The following KDM1B variants were observed in gnomAD, a reference collection of about 807,000 sequenced individuals.
KDM1B encodes lysine demethylase 1B, also known as lysine-specific histone demethylase 2.
A neutral mutation model predicts 107.4 loss-of-function variants in KDM1B; 63 were observed. The ratio of observed to expected loss-of-function variants is 0.59; its 90% confidence interval spans 0.48 to 0.72. The LOEUF is 0.72. Ranked by LOEUF, KDM1B falls within the 30% of genes least tolerant of loss-of-function variation. The probability of loss-of-function intolerance (pLI) is 0.00; values close to 1 mark genes in which losing one functional copy is unlikely to be tolerated. For missense variants in KDM1B, 749 were observed against 1,020.8 expected, an observed-to-expected ratio of 0.73 and a Z score of 3.63; for synonymous variants, 363 against 363.9, an observed-to-expected ratio of 1.00 and a Z score of 0.03.
chr6:18,210,342 CTTT>C (rs533016543), intron 17 of KDM1B, among the ~76,000 whole-genome samples: 342 of 69,790 alleles, frequency 4.9e-3, no homozygotes, highest in Non-Finnish European at 8.5e-3. Context: ...TCTTTCTTTT[CTTT>C]TTTTTTTTTT....
In KDM1B at chr6:18,175,771, T is replaced by A. The variant is rs543980131; in HGVS notation, c.534+4292T>A. ...TTTGTTTGCTTTGTTGAAGATCAGTTGGCTCTAAGTATTTGGGTTTATTTC... is the reference window on the plus strand; with the variant it reads ...TTTGTTTGCTTTGTTGAAGATCAGTAGGCTCTAAGTATTTGGGTTTATTTC... On this transcript the variant is annotated intron_variant, in intron 7 of 21. Transcript: ENST00000650836. Among the ~76,000 whole-genome samples, 99 of 152,340 alleles carry A rather than the reference T, an allele frequency of 6.5e-4. 1 individual carries two copies. The highest frequency in any genetic ancestry group is 2.2e-3 in the African/African-American group (91 of 41,576).
In KDM1B at chr6:18,186,999, C is replaced by T. The variant is rs1786906423; in HGVS notation, c.574-793C>T. Among the ~76,000 whole-genome samples the T allele has an allele frequency of 6.8e-6, 1 of 146,882 alleles. No individual in the cohort carries two copies. Among genetic ancestry groups the T allele is most frequent in the African/African-American group, 2.6e-5 (1 of 38,306 alleles). ...ACACACACACACACACACACACACA[C>T]ATTTTTTTTCCAGGCTCCAGAATAG... On this transcript the variant is annotated intron_variant, in intron 8 of 21. Coordinates refer to ENST00000650836, the MANE Select transcript of KDM1B (RefSeq NM_001364614.2). The surrounding 1 kb of genome is among the most constrained non-coding windows in gnomAD (Gnocchi z 5.6).
At chr6:18,171,971 T>G (rs1262026765) in intron 7 of KDM1B, among the ~76,000 whole-genome samples, 10 of 152,214 alleles carry the variant, frequency 6.6e-5, no homozygotes, top group Admixed American at 1.3e-4. Flanking sequence ...ATCATGCAGC[T>G]ACTCTGGTTT....
At chr6:18,218,247 A>C (rs1230281661) in intron 21 of KDM1B, among the ~76,000 whole-genome samples, 1 of 151,854 alleles carries the variant, frequency 6.6e-6, no homozygotes, top group Non-Finnish European at 1.5e-5. Context: ...CAGCTTCCCA[A>C]GTAGCTGGGA....
At position 18,188,689 on chromosome 6, in the gene KDM1B, C is replaced by G. The variant is rs182645780; in HGVS notation, c.784+687C>G. On this transcript the variant is annotated intron_variant, in intron 9 of 21. Coordinates refer to ENST00000650836, the MANE Select transcript of KDM1B (RefSeq NM_001364614.2). ...AGTGCAGTGACACTATCTCAGCTCA[C>G]TGCATCCTCCAGCTCCTGGGTTCAA... Among the ~76,000 whole-genome samples, 57 of 152,290 alleles carry G rather than the reference C, an allele frequency of 3.7e-4. 1 individual carries two copies. The highest frequency in any genetic ancestry group is 3.7e-3 in the Admixed American group (56 of 15,292).
chr6:18,157,973 C>T (rs748539260), intron 2 of KDM1B, among the ~76,000 whole-genome samples: 35 of 151,804 alleles, frequency 2.3e-4, no homozygotes, highest in Non-Finnish European at 4.3e-4. Context: ...CCACCACCCC[C>T]GGCTAATTTT....
At position 18,212,415 on chromosome 6, in the gene KDM1B, T is replaced by C. The variant is rs937719790; in HGVS notation, c.1867-73T>C. 25 of 895,006 alleles carry C rather than the reference T, an allele frequency of 2.8e-5. No homozygotes were observed. Among genetic ancestry groups the C allele is most frequent in the East Asian group, 2.6e-4 (11 of 41,652 alleles). The allele number at this position is 895,006 out of a possible 1,614,324, so 55.4% of individuals were successfully genotyped here. ...TTCTTGCCAGTATAACAGCATGGGT[T>C]GTTGATACCAGTGTAGTGGTAGTGT... On this transcript the variant is annotated intron_variant, in intron 17 of 21. Coordinates refer to ENST00000650836, the MANE Select transcript of KDM1B (RefSeq NM_001364614.2). The surrounding 1 kb of genome is among the most constrained non-coding windows in gnomAD (Gnocchi z 5.2).
At chr6:18,165,866 C>T (rs1463548279) in intron 5 of KDM1B, among the ~76,000 whole-genome samples, 1 of 152,006 alleles carries the variant, frequency 6.6e-6, no homozygotes, top group East Asian at 1.9e-4. Context: ...ATATTCGGAA[C>T]TGGTTCCAGC....
intron 20 of KDM1B, among the ~76,000 whole-genome samples, chr6:18,215,579 G>A (rs938441540): frequency 3.9e-5 from 6 of 152,116 alleles, no homozygotes; most frequent in Non-Finnish European, 7.3e-5. Context: ...TTACCCATTG[G>A]AGACCATGCG....
Position 18,217,802 on chromosome 6 carries a change from A to G in KDM1B, c.2302A>G (p.Ser768Gly), listed in dbSNP as rs1219762444. Reference protein sequence around the residue: ...STDPWIQMAYSFVKTGGSGEA... With the variant: ...STDPWIQMAYGFVKTGGSGEA... ...AGACCCATGGATCCAGATGGCATAC[A>G]GTTTTGTGAAGACAGGTGGAAGTGG... The change falls in exon 21 of 22, where the codon AGT becomes GGT. Residue 768 changes from serine to glycine, a missense_variant. By Grantham distance (56) the Ser-to-Gly change is moderately conservative (BLOSUM62 0). Transcript: ENST00000650836. 1 of 1,614,004 alleles carries G rather than the reference A, an allele frequency of 6.2e-7. No homozygotes were observed. The highest frequency in any genetic ancestry group is 8.5e-7 in the Non-Finnish European group (1 of 1,179,926).
At chr6:18,185,321 A>C (rs575183438) in intron 7 of KDM1B, among the ~76,000 whole-genome samples, 1 of 137,532 alleles carries the variant, frequency 7.3e-6, no homozygotes, top group South Asian at 2.2e-4. Flanking sequence ...TTTTTTTTTG[A>C]GATGGAGTCT....
intron 5 of KDM1B, among the ~76,000 whole-genome samples, chr6:18,163,330 G>A (rs1463892268): frequency 1.3e-5 from 2 of 152,160 alleles, no homozygotes; most frequent in Admixed American, 6.5e-5. Context: ...AAAGTGCTGG[G>A]ATTACAGGCG....
At chr6:18,190,607 G>GA (rs201995039) in intron 9 of KDM1B, among the ~76,000 whole-genome samples, 2,061 of 144,774 alleles carry the variant, frequency 0.014, 47 homozygotes, top group African/African-American at 0.05. Context: ...ATCTTAAAAA[G>GA]AAAAAAAAGA....
chr6:18,220,246 GTT>G (rs1789577164), intron 21 of KDM1B, among the ~76,000 whole-genome samples: 1 of 152,126 alleles, frequency 6.6e-6, no homozygotes, highest in African/African-American at 2.4e-5. Context: ...TATAGTTACC[GTT>G]TTTGTTTACA....
In KDM1B at chr6:18,197,025, A is replaced by G. The variant is rs9968877; in HGVS notation, c.970-32A>G. On this transcript the variant is annotated intron_variant, in intron 10 of 21. Transcript: ENST00000650836. The surrounding 1 kb of genome is among the most constrained non-coding windows in gnomAD (Gnocchi z 4.5). The stretch of plus-strand genomic sequence containing the variant: ...GTTTGAATTTCTTGGGACTTTTTTA[A>G]AAAAGCAGTTTGGTTTTATTTCCAA... The G allele has an allele frequency of 1.9e-4, 301 of 1,564,030 alleles. No individual in the cohort carries two copies. The African/African-American group carries it at 3.2e-3, about 17-fold the overall frequency.
At chr6:18,216,361 G>A (rs1031808901) in intron 20 of KDM1B, among the ~76,000 whole-genome samples, 4 of 152,224 alleles carry the variant, frequency 2.6e-5, no homozygotes, top group African/African-American at 4.8e-5. Context: ...GATTACAGGT[G>A]TGAGCCACTG....
Position 18,209,429 on chromosome 6 carries a change from A to G in KDM1B, c.1866+1223A>G, listed in dbSNP as rs1037302509. On this transcript the variant is annotated intron_variant, in intron 17 of 21. Coordinates refer to ENST00000650836, the MANE Select transcript of KDM1B (RefSeq NM_001364614.2). The surrounding 1 kb of genome is among the most constrained non-coding windows in gnomAD (Gnocchi z 4.3). ...GGACTGCATGTCACATGGGAAAGAC[A>G]GGTCTAGGGAATGAGTTAGTCGGGG... Among the ~76,000 whole-genome samples the G allele has an allele frequency of 3.2e-4, 49 of 152,308 alleles. 1 individual carries two copies. The highest frequency in any genetic ancestry group is 1.2e-3 in the African/African-American group (48 of 41,570).
At position 18,188,845 on chromosome 6, in the gene KDM1B, G is replaced by A. The variant is rs150385348; in HGVS notation, c.784+843G>A. 3.4e-3 allele frequency among the ~76,000 whole-genome samples: 518 copies of A among 150,604 alleles called. 2 individuals are homozygous for A. The highest frequency in any genetic ancestry group is 0.012 in the African/African-American group (503 of 40,932). On this transcript the variant is annotated intron_variant, in intron 9 of 21. Coordinates refer to ENST00000650836, the MANE Select transcript of KDM1B (RefSeq NM_001364614.2). The stretch of plus-strand genomic sequence containing the variant: ...GTCACCCAGGCTGGAGTGCAGTGGC[G>A]TGATCTTGGCTCCCTGCAACCTCCT...
In KDM1B at chr6:18,197,764, T is replaced by C; in HGVS notation, c.1221+103T>C. ...AGTTCCTATTTTTAGTGAAGAATAC[T>C]AAATACATTATATGTTTATATTAGG... On this transcript the variant is annotated intron_variant, in intron 12 of 21. Coordinates refer to ENST00000650836, the MANE Select transcript of KDM1B (RefSeq NM_001364614.2). The surrounding 1 kb of genome is among the most constrained non-coding windows in gnomAD (Gnocchi z 4.5). The C allele has an allele frequency of 1.4e-6, 1 of 712,580 alleles. No individual in the cohort carries two copies. The highest frequency in any genetic ancestry group is 2.4e-6 in the Non-Finnish European group (1 of 417,166). The allele number at this position is 712,580 out of a possible 1,614,324, so 44.1% of individuals were successfully genotyped here. A position where few individuals can be genotyped will look rare whatever the true frequency, so the allele number is the denominator to read the frequency against.
Sources: gnomAD v4.1 joint callset for allele counts (sites outside exome capture counted in the v4.1 genomes callset) on GRCh38, gnomAD v4.1.1 for gene constraint, Gnocchi (gnomAD v3.1) non-coding constraint, MANE v1.5 for transcripts, NCBI Gene and HGNC (gene_info 2026-07-23, HGNC 2026-07-21) for gene names.